Variants in ATP6V0A2 observed in about 807,000 individuals in gnomAD.
ATP6V0A2 encodes the protein V-type proton ATPase 116 kDa subunit a 2.
Under a neutral mutation model 104.4 loss-of-function variants are expected in ATP6V0A2, and 58 were observed. That is an observed-to-expected ratio of 0.56 (90% CI 0.45 to 0.69). ATP6V0A2 has a LOEUF of 0.69. ATP6V0A2 is among the 30% of genes least tolerant of loss of function. The pLI is 0.00. For synonymous variants in ATP6V0A2, 376 were observed against 397.9 expected (o/e 0.95, Z 0.65); for missense variants, 938 against 1,062.9 (o/e 0.88, Z 1.63).
chr12:123,728,395 CTT>C (rs34247373), intron 6 of ATP6V0A2, among the ~76,000 whole-genome samples: 27 of 124,476 alleles, frequency 2.2e-4, no homozygotes, highest in African/African-American at 6.5e-4. Context: ...CCTCACCTGG[CTT>C]TTTTTTTTTT....
Position 123,759,348 on chromosome 12 carries a change from A to C in ATP6V0A2, c.*1316A>C, listed in dbSNP as rs1376098277. 6.6e-6 allele frequency: 1 copy of C among 152,220 alleles called. No homozygotes were observed. Among genetic ancestry groups the C allele is most frequent in the Non-Finnish European group, 1.5e-5 (1 of 68,036 alleles). 9.4% of individuals were successfully genotyped at this position (152,220 alleles called of 1,614,324 possible). ...GACTGTTTCTAGCTAAAGTTCTGAT[A>C]AAAGTATTGAGTTAATTTAAACTTT... On this transcript the variant is annotated 3_prime_UTR_variant, in exon 20 of 20. Coordinates refer to ENST00000330342, the MANE Select transcript of ATP6V0A2 (RefSeq NM_012463.4).
At chr12:123,752,466 A>G in intron 17 of ATP6V0A2, 64 bp downstream of exon 17, 2 of 1,583,184 alleles carry the variant, frequency 1.3e-6, no homozygotes, top group Non-Finnish European at 1.7e-6. Flanking sequence ...AGAGATAATC[A>G]TGTTAAGATA....
chr12:123,744,125 G>A lies in ATP6V0A2; in HGVS notation c.1190-76G>A. 2.5e-6 allele frequency: 4 copies of A among 1,581,658 alleles called. No homozygotes were observed. The highest frequency in any genetic ancestry group is 3.5e-6 in the Non-Finnish European group (4 of 1,151,486). On this transcript the variant is annotated intron_variant, in intron 10 of 19. Transcript: ENST00000330342. This position sits in a 1 kb window ranked among gnomAD's most constrained non-coding sequence, Gnocchi z 5.4. ...TTCTGGAGAAAGTCAAGATTGTTAT[G>A]TATCATTGTGTTTGAATGAACTCAG...
Position 123,724,018 on chromosome 12 carries a change from G to A in ATP6V0A2, c.295-636G>A, listed in dbSNP as rs372450446. 4 of 152,162 alleles carry A rather than the reference G, an allele frequency of 2.6e-5. No individual in the cohort carries two copies. In the East Asian group the frequency reaches 7.7e-4, roughly 29 times the overall value. The allele number at this position is 152,162 out of a possible 1,614,324, so 9.4% of individuals were successfully genotyped here. A position where few individuals can be genotyped will look rare whatever the true frequency, so the allele number is the denominator to read the frequency against. On this transcript the variant is annotated intron_variant, in intron 3 of 19. Coordinates refer to ENST00000330342, the MANE Select transcript of ATP6V0A2 (RefSeq NM_012463.4). ...GGTCTCACGCTCATCACAGCCTTCG[G>A]AATGTTTTAGCTAATATGTGGTGTG...
At chr12:123,726,736 A>G (rs1410644814) in intron 5 of ATP6V0A2, among the ~76,000 whole-genome samples, 1 of 152,218 alleles carries the variant, frequency 6.6e-6, no homozygotes, top group Non-Finnish European at 1.5e-5. Flanking sequence ...TTTTAAAATT[A>G]TTATGAACTC....
chr12:123,730,336 T>A (rs941899757), intron 6 of ATP6V0A2, among the ~76,000 whole-genome samples: 1 of 151,872 alleles, frequency 6.6e-6, no homozygotes, highest in African/African-American at 2.4e-5. Flanking sequence ...ATTACAGGCG[T>A]GAGCCACCAC....
rs936558868 is a variant in ATP6V0A2, at chr12:123,712,376, G to T, written c.-190G>T. Reference sequence around the variant, plus strand: ...GCGGGACCTCGCGGACTGCTGTGGCGGCAGCTGGAGCGGCGGCCGCGGTGG... The same window carrying T: ...GCGGGACCTCGCGGACTGCTGTGGCTGCAGCTGGAGCGGCGGCCGCGGTGG... On this transcript the variant is annotated 5_prime_UTR_variant, in exon 1 of 20. Transcript: ENST00000330342. 1.7e-5 allele frequency: 6 copies of T among 354,196 alleles called. No homozygotes were observed. Among genetic ancestry groups the T allele is most frequent in the Admixed American group, 4.9e-5 (1 of 20,440 alleles). The allele number at this position is 354,196 out of a possible 1,614,324, so 21.9% of individuals were successfully genotyped here.
chr12:123,758,274 C>A lies in ATP6V0A2; in HGVS notation c.*242C>A, dbSNP rs541298619. 2 of 362,884 alleles carry A rather than the reference C, an allele frequency of 5.5e-6. No homozygotes were observed. Among genetic ancestry groups the A allele is most frequent in the Admixed American group, 4.4e-5 (1 of 22,976 alleles). 22.5% of individuals were successfully genotyped at this position (362,884 alleles called of 1,614,324 possible). On this transcript the variant is annotated 3_prime_UTR_variant, in exon 20 of 20. Transcript: ENST00000330342. ...TGAGCAAATATAAGTTAATGCCAAA[C>A]GTTATGTTAAAGTTATTTTTTCAAA...
At position 123,757,004 on chromosome 12, in the gene ATP6V0A2, C is replaced by T; in HGVS notation, c.2465+18C>T. 1.9e-6 allele frequency: 3 copies of T among 1,614,040 alleles called. No homozygotes were observed. Among genetic ancestry groups the T allele is most frequent in the South Asian group, 1.1e-5 (1 of 91,076 alleles). On this transcript the variant is annotated intron_variant, in intron 19 of 19. Transcript: ENST00000330342. ...CTCCACTGGTGAGTTTGAAACCTAG[C>T]CTTGGAGCTGTTATTTAAAAAACAT...
At chr12:123,752,984 CTTG>C (rs1956730395) in intron 17 of ATP6V0A2, among the ~76,000 whole-genome samples, 1 of 152,172 alleles carries the variant, frequency 6.6e-6, no homozygotes, top group Non-Finnish European at 1.5e-5. Context: ...CCCTTACCAG[CTTG>C]TTACTATTAG....
chr12:123,732,956 C>T (rs1956517020), intron 6 of ATP6V0A2: 1 of 152,026 alleles, frequency 6.6e-6, no homozygotes, highest in Non-Finnish European at 1.5e-5. Context: ...TTATAGAATT[C>T]TGTTTTGTTG....
intron 16 of ATP6V0A2, among the ~76,000 whole-genome samples, chr12:123,751,627 C>G (rs1956715085): frequency 1.3e-5 from 2 of 152,038 alleles, no homozygotes; most frequent in South Asian, 4.2e-4. Flanking sequence ...GCACTCCAGC[C>G]TGGGCAACAG....
Position 123,722,445 on chromosome 12 carries a change from G to A in ATP6V0A2, c.291G>A (p.Met97Ile), listed in dbSNP as rs1247351393. 10 of 1,601,116 alleles carry A rather than the reference G, an allele frequency of 6.2e-6. No individual in the cohort carries two copies. The highest frequency in any genetic ancestry group is 8.6e-6 in the Non-Finnish European group (10 of 1,168,276). ...PAPPLKQVLE[M>I]QEQLQKLEVE... is the part of the protein sequence containing the mutation. ...CACCCCTGAAACAGGTTCTAGAAAT[G>A]CAGGTAACTTGCTTCTGACGAAGCT... Residue 97 changes from methionine (M) to isoleucine (I), a missense_variant, in exon 3 of 20, where the codon ATG becomes ATA. Met to Ile is a conservative substitution (Grantham distance 10). Coordinates refer to ENST00000330342, the MANE Select transcript of ATP6V0A2 (RefSeq NM_012463.4).
In ATP6V0A2 at chr12:123,744,005, T is replaced by C; in HGVS notation, c.1189+70T>C. 6.3e-7 allele frequency: 1 copy of C among 1,594,144 alleles called. No homozygotes were observed. The highest frequency in any genetic ancestry group is 8.6e-7 in the Non-Finnish European group (1 of 1,161,920). On this transcript the variant is annotated intron_variant, in intron 10 of 19. Coordinates refer to ENST00000330342, the MANE Select transcript of ATP6V0A2 (RefSeq NM_012463.4). This position sits in a 1 kb window ranked among gnomAD's most constrained non-coding sequence, Gnocchi z 5.4. ...TTGCATTCTTGCTCTAAGAATGGAA[T>C]AGATATTTGGAAAGAGAGGCTGACC... is the stretch of plus-strand genomic sequence containing the variant.
At chr12:123,757,892 A>G in intron 19 of ATP6V0A2, 35 bp from the exon 20 acceptor site, 2 of 1,300,862 alleles carry the variant, frequency 1.5e-6, no homozygotes, top group Non-Finnish European at 2.2e-6. Flanking sequence ...TGATTTCATA[A>G]TCTTCCATTA....
At chr12:123,724,073 G>A (rs1956425419) in intron 3 of ATP6V0A2, 1 of 151,990 alleles carries the variant, frequency 6.6e-6, no homozygotes, top group South Asian at 2.1e-4. Context: ...GAATTAATAT[G>A]AAACAATAAA....
chr12:123,722,596 A>G (rs1240411458), intron 3 of ATP6V0A2, 148 bp downstream of exon 3: 4 of 667,838 alleles, frequency 6.0e-6, no homozygotes, highest in South Asian at 1.7e-5. Context: ...AAAGACCGCT[A>G]TTATGATTAA....
At chr12:123,733,765 T>TA in intron 6 of ATP6V0A2, 161 bp from the exon 7 acceptor site, 1 of 654,102 alleles carries the variant, frequency 1.5e-6, no homozygotes. Flanking sequence ...TTGGGGCTGT[T>TA]ACTACAAGTA....
Position 123,758,193 on chromosome 12 carries a change from A to G in ATP6V0A2, c.*161A>G, listed in dbSNP as rs1956782770. 1 of 496,910 alleles carries G rather than the reference A, an allele frequency of 2.0e-6. No homozygotes were observed. The highest frequency in any genetic ancestry group is 2.0e-5 in the African/African-American group (1 of 50,412). 30.8% of individuals were successfully genotyped at this position (496,910 alleles called of 1,614,324 possible). A position where few individuals can be genotyped will look rare whatever the true frequency, so the allele number is the denominator to read the frequency against. ...GATATACCTCTTCCTCATATGTTAA[A>G]TATTTTGTAAAGTTTACCAATTTGA... On this transcript the variant is annotated 3_prime_UTR_variant, in exon 20 of 20. Transcript: ENST00000330342.
Sources: allele counts gnomAD v4.1 joint callset (sites outside exome capture counted in the v4.1 genomes callset), GRCh38; gene constraint gnomAD v4.1.1; non-coding constraint Gnocchi (gnomAD v3.1); transcripts MANE v1.5; gene names NCBI Gene and HGNC (gene_info 2026-07-23, HGNC 2026-07-21).